RXRA: variants seen among roughly 807,000 people sequenced by gnomAD.
RXRA encodes the protein retinoid X receptor alpha, also known as retinoic acid receptor RXR-alpha.
Under a neutral mutation model 44.5 loss-of-function variants are expected in RXRA, and 5 were observed. The observed-to-expected ratio is 0.11, with a 90% CI of 0.06 to 0.24. RXRA has a LOEUF of 0.24. Ranked by LOEUF, RXRA falls within the 10% of genes least tolerant of loss-of-function variation. The pLI, the probability that RXRA is intolerant of heterozygous loss-of-function variation, is 1.00. For missense variants in RXRA, 412 were observed against 646.5 expected (o/e 0.64, Z 3.93); for synonymous variants, 291 against 271.4 (o/e 1.07, Z -0.71).
chr9:134,417,005 G>C lies in RXRA; in HGVS notation c.611-153G>C, dbSNP rs1831244972. The stretch of plus-strand genomic sequence containing the variant: ...CAACCACACGGAGGCCAGGCCTGGG[G>C]CAGAGATGGGGTCTCCATCACCCAG... On this transcript the variant is annotated intron_variant, in intron 4 of 9. Coordinates refer to ENST00000481739, the MANE Select transcript of RXRA (RefSeq NM_002957.6). This position sits in a 1 kb window ranked among gnomAD's most constrained non-coding sequence, Gnocchi z 6.1. Among the ~76,000 whole-genome samples the C allele has an allele frequency of 6.6e-6, 1 of 152,194 alleles. No individual in the cohort carries two copies. The highest frequency in any genetic ancestry group is 1.5e-5 in the Non-Finnish European group (1 of 68,034).
intron 2 of RXRA, chr9:134,402,306 G>C (rs1033827759): frequency 2.8e-5 from 5 of 178,392 alleles, no homozygotes; most frequent in Non-Finnish European, 4.6e-5. Context: ...GGGCCCCCAG[G>C]GAAGGCGTGT....
intron 1 of RXRA, among the ~76,000 whole-genome samples, chr9:134,357,459 G>T (rs1830297046): frequency 6.6e-6 from 1 of 152,176 alleles, no homozygotes; most frequent in African/African-American, 2.4e-5. Flanking sequence ...TTTCTCGCCT[G>T]TGCAGGGGGT....
intron 1 of RXRA, among the ~76,000 whole-genome samples, chr9:134,339,125 G>A (rs185157550): frequency 2.6e-5 from 4 of 152,220 alleles, no homozygotes; most frequent in Admixed American, 6.5e-5. Flanking sequence ...GGTTGGCCCC[G>A]TGGGCTCAGG....
At chr9:134,395,766 C>T (rs903012644) in intron 1 of RXRA, among the ~76,000 whole-genome samples, 4 of 152,262 alleles carry the variant, frequency 2.6e-5, no homozygotes, top group Non-Finnish European at 4.4e-5. Context: ...CCTGTGGAGG[C>T]AGGCCTGGGT....
At chr9:134,330,731 G>T (rs1554746536) in intron 1 of RXRA, among the ~76,000 whole-genome samples, 3 of 152,216 alleles carry the variant, frequency 2.0e-5, no homozygotes, top group Non-Finnish European at 4.4e-5. Context: ...CCCATTGCTG[G>T]GCGGGTGGTC....
chr9:134,352,271 G>C (rs1830230678), intron 1 of RXRA, among the ~76,000 whole-genome samples: 1 of 152,188 alleles, frequency 6.6e-6, no homozygotes, highest in East Asian at 1.9e-4. Flanking sequence ...GAGGTGCTTG[G>C]AGGGCGAGGG....
At position 134,428,533 on chromosome 9, in the gene RXRA, C is replaced by T. The variant is rs567682053; in HGVS notation, c.911-575C>T. On this transcript the variant is annotated intron_variant, in intron 6 of 9. Transcript: ENST00000481739. ...CTAACCACCCGCCCCAGGGAACCCC[C>T]ACTATGTTGAGGGGCTGCTGTTACC... 2.7e-3 allele frequency among the ~76,000 whole-genome samples: 386 copies of T among 141,490 alleles called. 3 individuals are homozygous for T. The highest frequency in any genetic ancestry group is 3.9e-3 in the Admixed American group (56 of 14,404). 92.8% of individuals were successfully genotyped at this position (141,490 alleles called of 152,430 possible). A position where few individuals can be genotyped will look rare whatever the true frequency, so the allele number is the denominator to read the frequency against.
intron 1 of RXRA, among the ~76,000 whole-genome samples, chr9:134,344,801 A>G (rs1554748548): frequency 1.3e-5 from 2 of 152,134 alleles, no homozygotes; most frequent in African/African-American, 2.4e-5. Flanking sequence ...TGCCTTCCGT[A>G]GGAGACTTTC....
intron 1 of RXRA, among the ~76,000 whole-genome samples, chr9:134,347,728 G>T (rs1209408117): frequency 6.6e-6 from 1 of 152,206 alleles, no homozygotes; most frequent in African/African-American, 2.4e-5. Flanking sequence ...CCAGGGGAAC[G>T]GTGTGTGCAA....
Position 134,378,393 on chromosome 9 carries a change from C to G in RXRA, c.29-23239C>G, listed in dbSNP as rs528898859. Among the ~76,000 whole-genome samples, 216 of 135,724 alleles carry G rather than the reference C, an allele frequency of 1.6e-3. 1 individual carries two copies. Among genetic ancestry groups the G allele is most frequent in the African/African-American group, 5.3e-3 (207 of 39,080 alleles). 89.0% of individuals were successfully genotyped at this position (135,724 alleles called of 152,430 possible). ...GGGTCCTTACCACTGTGTGGTTTAACCCTTGCCACCCAAGAGGGCTGTGGC... is the reference window on the plus strand; with the variant it reads ...GGGTCCTTACCACTGTGTGGTTTAAGCCTTGCCACCCAAGAGGGCTGTGGC... On this transcript the variant is annotated intron_variant, in intron 1 of 9. Transcript: ENST00000481739.
intron 1 of RXRA, among the ~76,000 whole-genome samples, chr9:134,380,962 C>G (rs1001582961): frequency 6.6e-6 from 1 of 152,300 alleles, no homozygotes; most frequent in African/African-American, 2.4e-5. Flanking sequence ...GGGTGCCCCT[C>G]ACTGTACTGG....
chr9:134,396,840 C>T (rs1489381262), intron 1 of RXRA, among the ~76,000 whole-genome samples: 1 of 152,228 alleles, frequency 6.6e-6, no homozygotes, highest in East Asian at 1.9e-4. Flanking sequence ...TCGGCCCCAG[C>T]CTGTGGCCTG....
chr9:134,421,847 A>G (rs747711469), intron 6 of RXRA, 42 bp downstream of exon 6: 40 of 1,608,036 alleles, frequency 2.5e-5, no homozygotes, highest in Non-Finnish European at 3.3e-5. Flanking sequence ...TGCCATGCAG[A>G]TGGGACACGT....
rs943930728 is a variant in RXRA at position 134,433,955 on chromosome 9, C to T, written c.1136-147C>T. The T allele has an allele frequency of 4.6e-5, 28 of 605,734 alleles. No homozygotes were observed. The highest frequency in any genetic ancestry group is 1.7e-4 in the African/African-American group (9 of 53,710). The allele number at this position is 605,734 out of a possible 1,614,324, so 37.5% of individuals were successfully genotyped here. On this transcript the variant is annotated intron_variant, in intron 8 of 9. Coordinates refer to ENST00000481739, the MANE Select transcript of RXRA (RefSeq NM_002957.6). The surrounding 1 kb of genome is among the most constrained non-coding windows in gnomAD (Gnocchi z 4.2). ...TGCCACCAGGCTCTGGGGGAGCGGG[C>T]GGAGGCATGTCCAGCGGCATTCCTC...
intron 1 of RXRA, among the ~76,000 whole-genome samples, chr9:134,344,532 C>T (rs1830126672): frequency 1.3e-5 from 2 of 152,194 alleles, no homozygotes; most frequent in South Asian, 4.1e-4. Context: ...TCCTTGGTTC[C>T]TTTCTCTGGG....
Position 134,440,413 on chromosome 9 carries a change from G to A in RXRA, c.*3799G>A, listed in dbSNP as rs1305601532. ...CTGTTGCCGGCTCTGGCCTTCCTGT[G>A]ACTGACTGTGAAGTGGCTTCTCCGT... On this transcript the variant is annotated 3_prime_UTR_variant, in exon 10 of 10. Coordinates refer to ENST00000481739, the MANE Select transcript of RXRA (RefSeq NM_002957.6). 1.3e-5 allele frequency: 2 copies of A among 152,610 alleles called. No homozygotes were observed. Among genetic ancestry groups the A allele is most frequent in the African/African-American group, 4.8e-5 (2 of 41,442 alleles). 9.5% of individuals were successfully genotyped at this position (152,610 alleles called of 1,614,324 possible).
intron 9 of RXRA, among the ~76,000 whole-genome samples, chr9:134,435,683 C>T (rs924631744): frequency 1.3e-5 from 2 of 152,168 alleles, no homozygotes; most frequent in African/African-American, 4.8e-5. Context: ...CAGCCTGACT[C>T]CCCCTCCCCC....
intron 4 of RXRA, among the ~76,000 whole-genome samples, chr9:134,416,857 T>C (rs35282455): frequency 0.1 from 15,168 of 152,156 alleles, 2,479 homozygotes; most frequent in African/African-American, 0.34. Flanking sequence ...CCATAGACCG[T>C]CAGGACCTTT....
chr9:134,433,273 T>C lies in RXRA; in HGVS notation c.1136-829T>C, dbSNP rs1831562115. Among the ~76,000 whole-genome samples the C allele has an allele frequency of 6.6e-6, 1 of 152,158 alleles. No homozygotes were observed. The highest frequency in any genetic ancestry group is 2.4e-5 in the African/African-American group (1 of 41,436). On this transcript the variant is annotated intron_variant, in intron 8 of 9. Transcript: ENST00000481739. This position sits in a 1 kb window ranked among gnomAD's most constrained non-coding sequence, Gnocchi z 4.2. Reference sequence around the variant, plus strand: ...GCCCGAGGAATCCCCATTCAGGTCCTGTGTGGTCTGGTTGCTAGAGCTGGG... The same window carrying C: ...GCCCGAGGAATCCCCATTCAGGTCCCGTGTGGTCTGGTTGCTAGAGCTGGG...
Sources: gnomAD v4.1 joint callset for allele counts (sites outside exome capture counted in the v4.1 genomes callset) on GRCh38, gnomAD v4.1.1 for gene constraint, Gnocchi (gnomAD v3.1) non-coding constraint, MANE v1.5 for transcripts, NCBI Gene and HGNC (gene_info 2026-07-23, HGNC 2026-07-21) for gene names.